Variants in FRMPD2 observed in about 807,000 individuals in gnomAD.
The protein encoded by FRMPD2 is FERM and PDZ domain containing 2, also known as FERM and PDZ domain-containing protein 2.
A neutral mutation model predicts 140.1 loss-of-function variants in FRMPD2; 96 were observed. That is an observed-to-expected ratio of 0.69 (90% confidence interval 0.58 to 0.81). The LOEUF is 0.81. Among genes scored for constraint, FRMPD2 ranks in the 40% least tolerant of loss-of-function variants. The pLI, the probability that FRMPD2 is intolerant of heterozygous loss-of-function variation, is 0.00. For synonymous variants in FRMPD2, 449 were observed against 547.6 expected, an observed-to-expected ratio of 0.82 and a Z score of 2.52; for missense variants, 1,240 against 1,447.4, an observed-to-expected ratio of 0.86 and a Z score of 2.32.
At chr10:48,167,914 C>A (rs1838140915) in intron 27 of FRMPD2, among the ~76,000 whole-genome samples, 1 of 146,354 alleles carries the variant, frequency 6.8e-6, no homozygotes, top group East Asian at 2.1e-4. Flanking sequence ...GCCTCCAGAC[C>A]ACCTTTGGGC....
At chr10:48,216,480 T>C (rs1466173287) in intron 12 of FRMPD2, among the ~76,000 whole-genome samples, 1 of 152,152 alleles carries the variant, frequency 6.6e-6, no homozygotes, top group Non-Finnish European at 1.5e-5. Flanking sequence ...TTACTCAAAC[T>C]CCCACCTGCC....
intron 1 of FRMPD2, among the ~76,000 whole-genome samples, chr10:48,269,211 T>A (rs1054137515): frequency 6.6e-6 from 1 of 152,334 alleles, no homozygotes; most frequent in East Asian, 1.9e-4. Context: ...AAATATTTGA[T>A]GTTAGCAAGG....
chr10:48,235,254 C>G (rs894914406), intron 9 of FRMPD2, among the ~76,000 whole-genome samples: 1 of 152,214 alleles, frequency 6.6e-6, no homozygotes, highest in Admixed American at 6.5e-5. Context: ...AGTTATCATC[C>G]CACTTCATAT....
intron 20 of FRMPD2, 32 bp downstream of exon 20, chr10:48,184,534 T>G: frequency 7.1e-7 from 1 of 1,400,512 alleles, no homozygotes; most frequent in Non-Finnish European, 1.0e-6. Flanking sequence ...CAGGGGAGCC[T>G]CTTAAGCTCC....
At chr10:48,218,069 C>T (rs1263549321) in intron 12 of FRMPD2, among the ~76,000 whole-genome samples, 3 of 152,206 alleles carry the variant, frequency 2.0e-5, no homozygotes, top group Non-Finnish European at 4.4e-5. Context: ...CCTTGGCTTG[C>T]AGAAAGCCCC....
rs1046413641 is a variant in FRMPD2 at position 48,243,002 on chromosome 10, C to A, written c.376-650G>T. Among the ~76,000 whole-genome samples, 17 of 152,204 alleles carry A rather than the reference C, an allele frequency of 1.1e-4. 1 individual carries two copies. Among genetic ancestry groups the A allele is most frequent in the African/African-American group, 4.1e-4 (17 of 41,452 alleles). ...ATTCAAAATCAGACTTTTTCTCAAGCTCAACACACACTGCAGGTCACTTTC... is the reference window on the plus strand; with the variant it reads ...ATTCAAAATCAGACTTTTTCTCAAGATCAACACACACTGCAGGTCACTTTC... On this transcript the variant is annotated intron_variant, in intron 4 of 28. Transcript: ENST00000374201.
At chr10:48,246,986 G>C (rs956709591) in intron 3 of FRMPD2, among the ~76,000 whole-genome samples, 2 of 152,196 alleles carry the variant, frequency 1.3e-5, no homozygotes, top group Admixed American at 1.3e-4. Flanking sequence ...CATATGCCTA[G>C]AGCGCTAAAC....
chr10:48,243,617 G>A (rs114076525), intron 4 of FRMPD2, among the ~76,000 whole-genome samples: 68 of 152,334 alleles, frequency 4.5e-4, no homozygotes, highest in African/African-American at 1.5e-3. Context: ...GGAACCAGAC[G>A]GGAGCAGGGA....
chr10:48,194,863 G>A (rs113138724), intron 15 of FRMPD2, among the ~76,000 whole-genome samples: 1 of 152,146 alleles, frequency 6.6e-6, no homozygotes, highest in Admixed American at 6.5e-5. Context: ...GTGGAGGGGG[G>A]ATTTGTTGGA....
chr10:48,197,433 C>T (rs183108028), intron 15 of FRMPD2, among the ~76,000 whole-genome samples: 1 of 152,298 alleles, frequency 6.6e-6, no homozygotes, highest in African/African-American at 2.4e-5. Context: ...AAGTGAGCTG[C>T]CCAAAGTCAC....
intron 23 of FRMPD2, among the ~76,000 whole-genome samples, chr10:48,175,366 G>A (rs1157213354): frequency 1.3e-5 from 2 of 152,030 alleles, no homozygotes; most frequent in Non-Finnish European, 2.9e-5. Flanking sequence ...GAATTCTAGG[G>A]GAAATGGAGA....
At chr10:48,222,501 G>A (rs978878527) in intron 11 of FRMPD2, 50 bp from the exon 12 acceptor site, 13 of 1,597,954 alleles carry the variant, frequency 8.1e-6, no homozygotes, top group Non-Finnish European at 1.0e-5. Context: ...GGGAAAGGGA[G>A]AATGTTAGCA....
At chr10:48,269,909 G>C (rs1415177501) in intron 1 of FRMPD2, among the ~76,000 whole-genome samples, 2 of 152,166 alleles carry the variant, frequency 1.3e-5, no homozygotes, top group Non-Finnish European at 1.5e-5. Context: ...CTGGTCTCAA[G>C]CTCTTCTCCT....
At chr10:48,244,884 T>C (rs1276180777) in intron 3 of FRMPD2, 35 bp from the exon 4 acceptor site, 2 of 1,444,046 alleles carry the variant, frequency 1.4e-6, no homozygotes, top group East Asian at 2.3e-5. Context: ...TAGATTTCAA[T>C]CATCTCTGTT....
intron 17 of FRMPD2, 41 bp downstream of exon 17, chr10:48,187,151 G>T: frequency 7.1e-7 from 1 of 1,399,772 alleles, no homozygotes; most frequent in South Asian, 1.2e-5. Flanking sequence ...TCCTGCGTAG[G>T]GGTTCCTCCA....
At chr10:48,164,961 TTACA>T (rs1440476752) in intron 27 of FRMPD2, among the ~76,000 whole-genome samples, 1 of 105,228 alleles carries the variant, frequency 9.5e-6, no homozygotes, top group East Asian at 2.4e-4. Flanking sequence ...AGATGCTCAC[TTACA>T]GACAAGGAAG....
chr10:48,162,148 C>T (rs1837958732), intron 28 of FRMPD2, among the ~76,000 whole-genome samples: 1 of 147,798 alleles, frequency 6.8e-6, no homozygotes. Context: ...CAATTACTGC[C>T]TAGACTGCAA....
At chr10:48,251,886 G>C (rs1840391786) in intron 1 of FRMPD2, 195 bp from the exon 2 acceptor site, 1 of 568,476 alleles carries the variant, frequency 1.8e-6, no homozygotes, top group African/African-American at 1.9e-5. Flanking sequence ...TTAATTGGAG[G>C]ACTGACCAGG....
intron 1 of FRMPD2, among the ~76,000 whole-genome samples, chr10:48,257,784 C>A (rs1358635932): frequency 2.6e-5 from 4 of 152,162 alleles, no homozygotes; most frequent in Non-Finnish European, 5.9e-5. Flanking sequence ...GCAGCAGCGA[C>A]CTCATGGAAC....
Sources: gnomAD v4.1 joint callset for allele counts (sites outside exome capture counted in the v4.1 genomes callset) on GRCh38, gnomAD v4.1.1 for gene constraint, MANE v1.5 for transcripts, NCBI Gene and HGNC (gene_info 2026-07-23, HGNC 2026-07-21) for gene names.